Variants in MBTD1 observed in about 807,000 individuals in gnomAD.
MBTD1 encodes the protein mbt domain containing 1.
MBTD1 carries 24 observed loss-of-function variants against 87.8 expected under a neutral mutation model. The observed-to-expected ratio is 0.27, with a 90% confidence interval of 0.20 to 0.38. The LOEUF is 0.38. Among genes scored for constraint, MBTD1 ranks in the 10% least tolerant of loss-of-function variants. The pLI is 1.00. For missense variants in MBTD1, 436 were observed against 760.2 expected, an observed-to-expected ratio of 0.57 and a Z score of 5.02; for synonymous variants, 237 against 248.6, an observed-to-expected ratio of 0.95 and a Z score of 0.44.
At chr17:51,234,614 C>T (rs976814967) in intron 2 of MBTD1, among the ~76,000 whole-genome samples, 4 of 152,130 alleles carry the variant, frequency 2.6e-5, no homozygotes. Flanking sequence ...TGTTAAAGAT[C>T]TTCCCACAAA....
chr17:51,211,426 G>A (rs2052205495), intron 6 of MBTD1, among the ~76,000 whole-genome samples: 1 of 151,402 alleles, frequency 6.6e-6, no homozygotes, highest in Non-Finnish European at 1.5e-5. Context: ...AGAGTCACCT[G>A]AGCCCAAGAA....
At chr17:51,205,658 G>A (rs1343666196) in intron 7 of MBTD1, among the ~76,000 whole-genome samples, 4 of 152,108 alleles carry the variant, frequency 2.6e-5, no homozygotes, top group Non-Finnish European at 5.9e-5. Context: ...GGGAGAGGGA[G>A]ACTGGCCTCA....
chr17:51,190,770 T>TATATATATAA lies in MBTD1; in HGVS notation c.1768+1432_1768+1433insTTATATATAT, dbSNP rs1360538089. 2.4e-3 allele frequency among the ~76,000 whole-genome samples: 274 copies of TATATATATAA among 111,908 alleles called. 4 individuals are homozygous for TATATATATAA. Among genetic ancestry groups the TATATATATAA allele is most frequent in the African/African-American group, 9.6e-3 (258 of 26,944 alleles). 73.4% of individuals were successfully genotyped at this position (111,908 alleles called of 152,430 possible). ...AAAAAAATATATATATATATATATA[T>TATATATATAA]AACCTTATCTAAGAATGAAATGAAA... On this transcript the variant is annotated intron_variant, in intron 16 of 16. Coordinates refer to ENST00000586178, the MANE Select transcript of MBTD1 (RefSeq NM_017643.3).
At chr17:51,212,745 G>A (rs1317430099) in intron 6 of MBTD1, among the ~76,000 whole-genome samples, 7 of 152,164 alleles carry the variant, frequency 4.6e-5, no homozygotes, top group Admixed American at 1.3e-4. Flanking sequence ...ATAATGAAGA[G>A]TGCTTAATTT....
At chr17:51,256,720 A>C (rs937768062) in intron 2 of MBTD1, 1 of 152,240 alleles carries the variant, frequency 6.6e-6, no homozygotes, top group Non-Finnish European at 1.5e-5. Flanking sequence ...AGTGCTCAAC[A>C]ACCACATGTG....
At chr17:51,236,003 A>G (rs533867219) in intron 2 of MBTD1, among the ~76,000 whole-genome samples, 1 of 152,264 alleles carries the variant, frequency 6.6e-6, no homozygotes, top group East Asian at 1.9e-4. Flanking sequence ...CTATCTATCT[A>G]TCGGTCTCTC....
intron 11 of MBTD1, 34 bp downstream of exon 11, chr17:51,201,988 T>C (rs1359624968): frequency 1.4e-6 from 2 of 1,465,576 alleles, no homozygotes; most frequent in Non-Finnish European, 1.9e-6. Flanking sequence ...TCAAACCTAA[T>C]TTACAAATGA....
intron 7 of MBTD1, among the ~76,000 whole-genome samples, chr17:51,206,238 T>C (rs2143230142): frequency 6.6e-6 from 1 of 152,224 alleles, no homozygotes; most frequent in African/African-American, 2.4e-5. Flanking sequence ...TATCAACACT[T>C]GTATCAATTT....
chr17:51,228,714 G>A (rs1014480816), intron 2 of MBTD1, among the ~76,000 whole-genome samples: 5 of 151,152 alleles, frequency 3.3e-5, no homozygotes, highest in African/African-American at 1.2e-4. Flanking sequence ...CCAATATGGC[G>A]AAACCCCACC....
At chr17:51,192,117 A>G in intron 16 of MBTD1, 86 bp downstream of exon 16, 1 of 976,048 alleles carries the variant, frequency 1.0e-6, no homozygotes, top group Non-Finnish European at 1.6e-6. Context: ...AGTTCTCACA[A>G]GATATATCAT....
At chr17:51,189,435 G>T (rs890920056) in intron 16 of MBTD1, among the ~76,000 whole-genome samples, 1 of 152,130 alleles carries the variant, frequency 6.6e-6, no homozygotes, top group Non-Finnish European at 1.5e-5. Context: ...TTTTTTCAGT[G>T]AATCCAGAAC....
chr17:51,256,211 AGT>A (rs2055079641), intron 2 of MBTD1: 1 of 152,192 alleles, frequency 6.6e-6, no homozygotes, highest in African/African-American at 2.4e-5. Context: ...ATAACATCTG[AGT>A]GGAGGTTTAC....
At chr17:51,233,495 A>G (rs1211300987) in intron 2 of MBTD1, among the ~76,000 whole-genome samples, 1 of 152,310 alleles carries the variant, frequency 6.6e-6, no homozygotes, top group East Asian at 1.9e-4. Context: ...AATTCAATAA[A>G]TGGATGATAA....
At chr17:51,221,135 A>C (rs2052864362) in intron 3 of MBTD1, among the ~76,000 whole-genome samples, 3 of 152,150 alleles carry the variant, frequency 2.0e-5, no homozygotes, top group Non-Finnish European at 4.4e-5. Context: ...ATCTTCAAAA[A>C]ATAAAAATAA....
In MBTD1 at chr17:51,215,993, G is replaced by A. The variant is rs566940265; in HGVS notation, c.486+1341C>T. Among the ~76,000 whole-genome samples the A allele has an allele frequency of 6.2e-4, 90 of 146,338 alleles. 4 individuals are homozygous for A. In the South Asian group the frequency reaches 0.014, roughly 23 times the overall value. ...ATTGCCCAGGCTGGAGTGCAGTGGC[G>A]TAATCTCAGCTCACTGCAACCTCTG... On this transcript the variant is annotated intron_variant, in intron 6 of 16. Coordinates refer to ENST00000586178, the MANE Select transcript of MBTD1 (RefSeq NM_017643.3).
At chr17:51,202,566 A>G (rs956274786) in intron 10 of MBTD1, 135 bp downstream of exon 10, 1 of 677,844 alleles carries the variant, frequency 1.5e-6, no homozygotes, top group East Asian at 2.6e-5. Context: ...AACCTTCACT[A>G]ATTAAGGTAG....
intron 5 of MBTD1, among the ~76,000 whole-genome samples, chr17:51,218,546 AAAAAAAAAAAT>A (rs1276908073): frequency 7.2e-6 from 1 of 138,882 alleles, no homozygotes; most frequent in Non-Finnish European, 1.5e-5. Flanking sequence ...AAAAAAAAAA[AAAAAAAAAAAT>A]CTATTGGAAA....
chr17:51,198,898 G>C (rs1375469303), intron 12 of MBTD1, among the ~76,000 whole-genome samples: 1 of 152,144 alleles, frequency 6.6e-6, no homozygotes, highest in African/African-American at 2.4e-5. Flanking sequence ...CACCTCCCAG[G>C]TTCAAGTGAT....
At chr17:51,248,208 TTC>T (rs2054562836) in intron 2 of MBTD1, among the ~76,000 whole-genome samples, 1 of 152,240 alleles carries the variant, frequency 6.6e-6, no homozygotes, top group Admixed American at 6.5e-5. Flanking sequence ...CGTATAGTTC[TTC>T]TGTTAACTCA....
Sources: gnomAD v4.1 joint callset for allele counts (sites outside exome capture counted in the v4.1 genomes callset) on GRCh38, gnomAD v4.1.1 for gene constraint, MANE v1.5 for transcripts, NCBI Gene and HGNC (gene_info 2026-07-23, HGNC 2026-07-21) for gene names.